Variants in USH2A observed in about 807,000 individuals in gnomAD.
USH2A encodes the protein Usher syndrome 2A (autosomal recessive, mild).
Under a neutral mutation model 538.9 loss-of-function variants are expected in USH2A, and 443 were observed. The ratio of observed to expected loss-of-function variants is 0.82; its 90% confidence interval spans 0.76 to 0.89. USH2A has a LOEUF of 0.89. USH2A is among the 40% of genes least tolerant of loss of function. USH2A has a pLI of 0.00. For missense variants in USH2A, 6,633 were observed against 6,324.8 expected, an observed-to-expected ratio of 1.05 and a Z score of -1.65; for synonymous variants, 2,413 against 2,273.5, an observed-to-expected ratio of 1.06 and a Z score of -1.75.
intron 46 of USH2A, among the ~76,000 whole-genome samples, chr1:215,841,260 A>G (rs575084773): frequency 6.6e-6 from 1 of 152,300 alleles, no homozygotes; most frequent in Admixed American, 6.5e-5. Flanking sequence ...AAAAAGAACA[A>G]AGGTGGAGGC....
In USH2A at chr1:215,720,349, T is replaced by C. The variant is rs568727977; in HGVS notation, c.12066+7681A>G. ...GTTGCCAGAAAAGTGAGATGAACAG[T>C]CTGGTCTTGGCAAGAGGCTTCCTAC... On this transcript the variant is annotated intron_variant, in intron 61 of 71. Transcript: ENST00000307340. 9.2e-5 allele frequency among the ~76,000 whole-genome samples: 14 copies of C among 152,272 alleles called. No individual in the cohort carries two copies. In the South Asian group the frequency reaches 2.3e-3, roughly 25 times the overall value.
chr1:216,061,941 C>A (rs1313514883), intron 30 of USH2A, among the ~76,000 whole-genome samples: 2 of 152,150 alleles, frequency 1.3e-5, no homozygotes. Context: ...ACCCTGTCAT[C>A]ATCTTAGCAA....
intron 27 of USH2A, 27 bp downstream of exon 27, chr1:216,078,062 T>A: frequency 1.2e-6 from 2 of 1,613,348 alleles, no homozygotes; most frequent in Non-Finnish European, 1.7e-6. Flanking sequence ...CTGTATGGAT[T>A]TGTGAATTCC....
At chr1:215,999,558 A>G (rs562666413) in intron 33 of USH2A, among the ~76,000 whole-genome samples, 2 of 152,258 alleles carry the variant, frequency 1.3e-5, no homozygotes, top group African/African-American at 4.8e-5. Flanking sequence ...TTCTTAACAG[A>G]TGGATTGGAT....
intron 21 of USH2A, among the ~76,000 whole-genome samples, chr1:216,109,594 A>T (rs1451189356): frequency 6.6e-6 from 1 of 152,184 alleles, no homozygotes; most frequent in East Asian, 1.9e-4. Context: ...TTGAAACAGA[A>T]GTTTCTAATT....
intron 13 of USH2A, among the ~76,000 whole-genome samples, chr1:216,239,236 GT>G (rs2035888109): frequency 6.6e-6 from 1 of 152,042 alleles, no homozygotes; most frequent in South Asian, 2.1e-4. Flanking sequence ...ACTATATCTT[GT>G]TTTGTTAAAA....
chr1:215,781,977 C>T (rs1233568014), intron 54 of USH2A, 65 bp downstream of exon 54: 2 of 1,607,528 alleles, frequency 1.2e-6, no homozygotes, highest in Non-Finnish European at 1.7e-6. Flanking sequence ...GCAGTCACAA[C>T]CTGGATGTTC....
In USH2A at chr1:216,190,225, G is replaced by GCTGCTAAAGTTTT; in HGVS notation, c.4393_4394insAAAACTTTAGCAG (p.Ala1465GlufsTer16). 6 of 1,612,062 alleles carry GCTGCTAAAGTTTT rather than the reference G, an allele frequency of 3.7e-6. No individual in the cohort carries two copies. The highest frequency in any genetic ancestry group is 5.1e-6 in the Non-Finnish European group (6 of 1,178,830). On this transcript the variant is annotated frameshift_variant, in exon 20 of 72. Coordinates refer to ENST00000307340, the MANE Select transcript of USH2A (RefSeq NM_206933.4). LOFTEE classifies it high-confidence loss of function. ...CATATCCATTAAAACTTGCTTACCT[G>GCTGCTAAAGTTTT]CTGCTAAAGTTTGTCCTGCTCCCGA...
At chr1:215,934,936 C>T (rs1571827074) in intron 37 of USH2A, 141 bp from the exon 38 acceptor site, 1 of 747,052 alleles carries the variant, frequency 1.3e-6, no homozygotes, top group Non-Finnish European at 2.1e-6. Flanking sequence ...ATTACATGTG[C>T]TTCTATCAAT....
chr1:215,853,493 A>T (rs1451394408), intron 44 of USH2A, among the ~76,000 whole-genome samples: 1 of 152,168 alleles, frequency 6.6e-6, no homozygotes, highest in Non-Finnish European at 1.5e-5. Flanking sequence ...GCTCCTCATT[A>T]CTTAGGTAAA....
intron 58 of USH2A, among the ~76,000 whole-genome samples, chr1:215,751,315 T>C (rs1178435754): frequency 1.3e-5 from 2 of 152,148 alleles, no homozygotes; most frequent in Admixed American, 6.5e-5. Context: ...TAATTCCTTC[T>C]TTAATGGAGT....
At chr1:216,206,647 A>G (rs373632603) in intron 16 of USH2A, among the ~76,000 whole-genome samples, 1 of 152,160 alleles carries the variant, frequency 6.6e-6, no homozygotes, top group Non-Finnish European at 1.5e-5. Context: ...ACAATATGTC[A>G]TGAACATTTT....
chr1:216,045,275 C>G (rs12130077), intron 32 of USH2A, among the ~76,000 whole-genome samples: 1 of 151,876 alleles, frequency 6.6e-6, no homozygotes, highest in Non-Finnish European at 1.5e-5. Context: ...ATATGAAATA[C>G]AAAACCACTA....
Position 215,888,703 on chromosome 1 carries a change from T to A in USH2A, c.7946A>T (p.His2649Leu). The A allele has an allele frequency of 6.2e-7, 1 of 1,613,868 alleles. No individual in the cohort carries two copies. Among genetic ancestry groups the A allele is most frequent in the East Asian group, 2.2e-5 (1 of 44,858 alleles). ...GAAATTCTCCACCAAGCCATTGGGG[T>A]GGGTAGGGGGTTGCCAAGATATAAT... ...SVIISWQPPT[H>L]PNGLVENFTI... is the part of the protein sequence containing the mutation. The change falls in exon 41 of 72, where the codon CAC (histidine) becomes CTC (leucine). Residue 2649 changes from histidine (H) to leucine (L), a missense_variant. By Grantham distance (99) the His-to-Leu change is moderately conservative. Transcript: ENST00000307340.
At chr1:215,831,473 G>A (rs372121116) in intron 47 of USH2A, among the ~76,000 whole-genome samples, 1 of 151,944 alleles carries the variant, frequency 6.6e-6, no homozygotes, top group East Asian at 1.9e-4. Flanking sequence ...TGAAAAAACT[G>A]TAACTAATTT....
chr1:216,197,624 G>A (rs915234988), intron 18 of USH2A, among the ~76,000 whole-genome samples: 1 of 152,102 alleles, frequency 6.6e-6, no homozygotes, highest in African/African-American at 2.4e-5. Context: ...TTAGATCAGG[G>A]TTTGGGTTTC....
intron 21 of USH2A, among the ~76,000 whole-genome samples, chr1:216,163,633 A>G (rs2034109543): frequency 1.3e-5 from 1 of 76,168 alleles, no homozygotes; most frequent in Non-Finnish European, 2.4e-5. Flanking sequence ...TGGTAAAAAA[A>G]TAACTTTTAT....
At chr1:215,680,511 A>C (rs975577384) in intron 61 of USH2A, 135 bp from the exon 62 acceptor site, 2 of 795,710 alleles carry the variant, frequency 2.5e-6, no homozygotes, top group Non-Finnish European at 4.2e-6. Flanking sequence ...AGAGTTTTGA[A>C]TTATCATTAA....
Position 215,674,322 on chromosome 1 carries a change from G to A in USH2A, c.13589C>T (p.Ser4530Leu), listed in dbSNP as rs1354338059. 3.7e-6 allele frequency: 6 copies of A among 1,613,920 alleles called. No individual in the cohort carries two copies. Among genetic ancestry groups the A allele is most frequent in the Non-Finnish European group, 5.1e-6 (6 of 1,179,976 alleles). ...SPLVKDRTSP[S>L]APSGMEPPKL... Reference sequence around the variant, plus strand: ...TGGAGGTTCCATCCCTGAGGGTGCTGAGGGGCTGGTTCGATCTTTGACAAG... The same window carrying A: ...TGGAGGTTCCATCCCTGAGGGTGCTAAGGGGCTGGTTCGATCTTTGACAAG... The change falls in exon 63 of 72, where the codon TCA becomes TTA. Residue 4530 changes from serine to leucine, a missense_variant. Ser to Leu is a moderately radical substitution (Grantham distance 145, BLOSUM62 -2). Transcript: ENST00000307340.
Sources: gnomAD v4.1 joint callset for allele counts (sites outside exome capture counted in the v4.1 genomes callset) on GRCh38, gnomAD v4.1.1 for gene constraint, MANE v1.5 for transcripts, NCBI Gene and HGNC (gene_info 2026-07-23, HGNC 2026-07-21) for gene names.